Variants in ZFYVE28 observed in about 807,000 individuals in gnomAD.
The protein encoded by ZFYVE28 is lateral signaling target protein 2 homolog.
In ZFYVE28, 40 loss-of-function variants were observed where a neutral mutation model predicts 82.1. The ratio of observed to expected loss-of-function variants is 0.49; its 90% CI spans 0.38 to 0.63. ZFYVE28 has a LOEUF of 0.63. ZFYVE28 is among the 30% of genes least tolerant of loss of function. The probability of loss-of-function intolerance (pLI) is 0.00; values close to 1 mark genes in which losing one functional copy is unlikely to be tolerated. For synonymous variants in ZFYVE28, 612 were observed against 546.1 expected (o/e 1.12, Z -1.68); for missense variants, 1,321 against 1,242.1 (o/e 1.06, Z -0.96).
intron 8 of ZFYVE28, among the ~76,000 whole-genome samples, chr4:2,279,158 C>G (rs1053791499): frequency 1.1e-4 from 16 of 152,204 alleles, no homozygotes; most frequent in Non-Finnish European, 2.1e-4. Flanking sequence ...TGGATGAACA[C>G]TGAACACATC....
chr4:2,398,329 T>G (rs1208558396), intron 1 of ZFYVE28, among the ~76,000 whole-genome samples: 1 of 152,090 alleles, frequency 6.6e-6, no homozygotes, highest in African/African-American at 2.4e-5. Context: ...TGGGCTTGCA[T>G]GAGGGCACCC....
rs576767790 is a variant in ZFYVE28, at chr4:2,301,311, C to T, written c.2051+2978G>A. ...GCCTGTGCCTTGGATGGGACAGCTGCCATGTGCTGCCGCCCGCTGACCTGA... is the reference window on the plus strand; with the variant it reads ...GCCTGTGCCTTGGATGGGACAGCTGTCATGTGCTGCCGCCCGCTGACCTGA... On this transcript the variant is annotated intron_variant, in intron 8 of 12. Transcript: ENST00000290974. 2.0e-5 allele frequency among the ~76,000 whole-genome samples: 3 copies of T among 152,336 alleles called. No individual in the cohort carries two copies. The East Asian group carries it at 5.8e-4, about 29-fold the overall frequency.
intron 7 of ZFYVE28, among the ~76,000 whole-genome samples, chr4:2,312,604 T>G (rs566260103): frequency 6.6e-6 from 1 of 151,384 alleles, no homozygotes; most frequent in East Asian, 2.0e-4. Flanking sequence ...GGCGGGCGCC[T>G]GTAGTCCCAG....
chr4:2,312,730 A>G (rs1717658390), intron 7 of ZFYVE28, among the ~76,000 whole-genome samples: 1 of 146,372 alleles, frequency 6.8e-6, no homozygotes. Flanking sequence ...CTGCCTCAAA[A>G]AAAAAAAAAA....
chr4:2,313,490 TCAAA>T (rs1717780972), intron 7 of ZFYVE28, among the ~76,000 whole-genome samples: 1 of 152,108 alleles, frequency 6.6e-6, no homozygotes, highest in Non-Finnish European at 1.5e-5. Flanking sequence ...ACTCCTGGGC[TCAAA>T]CAATCCATCC....
chr4:2,384,673 G>C (rs1729066019), intron 1 of ZFYVE28, among the ~76,000 whole-genome samples: 1 of 152,192 alleles, frequency 6.6e-6, no homozygotes, highest in Admixed American at 6.5e-5. Context: ...AGCCTTACCT[G>C]CCAGGATCAT....
At chr4:2,390,599 C>A (rs774314357) in intron 1 of ZFYVE28, among the ~76,000 whole-genome samples, 5 of 152,202 alleles carry the variant, frequency 3.3e-5, no homozygotes, top group Non-Finnish European at 7.3e-5. Context: ...CCCCAGAATA[C>A]TCTACTTGTA....
intron 5 of ZFYVE28, among the ~76,000 whole-genome samples, chr4:2,336,860 TGAG>T (rs1721846137): frequency 1.2e-5 from 1 of 84,376 alleles, no homozygotes; most frequent in Admixed American, 1.6e-4. Context: ...AGTGAGAAGG[TGAG>T]GAGGGAGGAG....
chr4:2,276,619 T>C (rs538208561), intron 8 of ZFYVE28, among the ~76,000 whole-genome samples: 10 of 152,192 alleles, frequency 6.6e-5, no homozygotes, highest in Non-Finnish European at 1.0e-4. Context: ...CAGAATATTA[T>C]TCAGCCTTAA....
Position 2,304,154 on chromosome 4 carries a change from C to T in ZFYVE28, c.2051+135G>A, listed in dbSNP as rs1716098665. On this transcript the variant is annotated intron_variant, in intron 8 of 12. Transcript: ENST00000290974. ...CCCCTCCTCACACACAGACCCCACA[C>T]TCGGCCAGGGCCCAGCACCTGCCGG... The T allele has an allele frequency of 4.2e-6, 5 of 1,192,234 alleles. No individual in the cohort carries two copies. In the African/African-American group the frequency reaches 4.6e-5, roughly 11 times the overall value. 73.9% of individuals were successfully genotyped at this position (1,192,234 alleles called of 1,614,324 possible).
At position 2,396,077 on chromosome 4, in the gene ZFYVE28, G is replaced by T. The variant is rs1487911880; in HGVS notation, c.39+22208C>A. The stretch of plus-strand genomic sequence containing the variant: ...CTATCCTGCAGAGGGGACCCAAGGC[G>T]GGGGTGTCTGAGCTGATGGGACCAG... On this transcript the variant is annotated intron_variant, in intron 1 of 12. Coordinates refer to ENST00000290974, the MANE Select transcript of ZFYVE28 (RefSeq NM_020972.3). Among the ~76,000 whole-genome samples the T allele has an allele frequency of 7.6e-5, 9 of 118,396 alleles. No individual in the cohort carries two copies. The East Asian group carries it at 2.3e-3, about 31-fold the overall frequency. The allele number at this position is 118,396 out of a possible 152,430, so 77.7% of individuals were successfully genotyped here.
At chr4:2,414,458 TTTATAAGGAATG>T (rs1732830026) in intron 1 of ZFYVE28, among the ~76,000 whole-genome samples, 1 of 152,172 alleles carries the variant, frequency 6.6e-6, no homozygotes. Context: ...GTAAGGCAGA[TTTATAAGGAATG>T]TTCTCCTACA....
Position 2,355,254 on chromosome 4 carries a change from AT to A in ZFYVE28, c.40-1182del, listed in dbSNP as rs1725117645. On this transcript the variant is annotated intron_variant, in intron 1 of 12. Transcript: ENST00000290974. ...TATATATATATATATATATATATAT[AT>A]ATATATATATATATATAATGATTCT... 3.0e-3 allele frequency among the ~76,000 whole-genome samples: 52 copies of A among 17,504 alleles called. 8 individuals carry two copies. The highest frequency in any genetic ancestry group is 0.013 in the African/African-American group (36 of 2,834). The allele number at this position is 17,504 out of a possible 152,430, so 11.5% of individuals were successfully genotyped here.
In ZFYVE28 at chr4:2,394,843, G is replaced by A. The variant is rs1048819966; in HGVS notation, c.39+23442C>T. Among the ~76,000 whole-genome samples the A allele has an allele frequency of 1.3e-5, 2 of 152,272 alleles. No homozygotes were observed. Among genetic ancestry groups the A allele is most frequent in the Non-Finnish European group, 2.9e-5 (2 of 68,050 alleles). The stretch of plus-strand genomic sequence containing the variant: ...GCGGCAGATGCCAGCACCCAGCACA[G>A]TGGGTGGCACAGGGCAGGTGCCTCG... On this transcript the variant is annotated intron_variant, in intron 1 of 12. Transcript: ENST00000290974. The surrounding 1 kb of genome is among the most constrained non-coding windows in gnomAD (Gnocchi z 4.0).
At chr4:2,354,196 C>G in intron 1 of ZFYVE28, 123 bp from the exon 2 acceptor site, 5 of 1,129,808 alleles carry the variant, frequency 4.4e-6, no homozygotes, top group Non-Finnish European at 5.9e-6. Flanking sequence ...GAGCAGCAGC[C>G]GGCTCTTTTA....
In ZFYVE28 at chr4:2,270,595, T is replaced by G. The variant is rs1033448461; in HGVS notation, c.*130A>C. The G allele has an allele frequency of 7.4e-7, 1 of 1,357,252 alleles. No individual in the cohort carries two copies. Among genetic ancestry groups the G allele is most frequent in the African/African-American group, 1.4e-5 (1 of 70,164 alleles). The allele number at this position is 1,357,252 out of a possible 1,614,324, so 84.1% of individuals were successfully genotyped here. ...TGGGCAGGACAGAGGCTCTGGATGCTCTGGAGGTCTGGGTGCCCCTGCAGC... is the reference window on the plus strand; with the variant it reads ...TGGGCAGGACAGAGGCTCTGGATGCGCTGGAGGTCTGGGTGCCCCTGCAGC... On this transcript the variant is annotated 3_prime_UTR_variant, in exon 13 of 13. Coordinates refer to ENST00000290974, the MANE Select transcript of ZFYVE28 (RefSeq NM_020972.3).
chr4:2,313,318 T>C lies in ZFYVE28; in HGVS notation c.803+6852A>G, dbSNP rs568291567. Among the ~76,000 whole-genome samples the C allele has an allele frequency of 5.3e-5, 8 of 152,138 alleles. No homozygotes were observed. In the South Asian group the frequency reaches 1.5e-3, roughly 28 times the overall value. ...CTGTGTGGTGCAGGCTGGAGTGCAG[T>C]GGGATGACCTTAGCTCATTGCAACT... On this transcript the variant is annotated intron_variant, in intron 7 of 12. Transcript: ENST00000290974.
chr4:2,402,397 CATG>C (rs1553866396), intron 1 of ZFYVE28, among the ~76,000 whole-genome samples: 1 of 152,210 alleles, frequency 6.6e-6, no homozygotes, highest in Non-Finnish European at 1.5e-5. Context: ...GCTGGAAGGC[CATG>C]TCCTGCAGCC....
At chr4:2,277,360 G>C (rs1054900316) in intron 8 of ZFYVE28, among the ~76,000 whole-genome samples, 22 of 152,134 alleles carry the variant, frequency 1.4e-4, no homozygotes, top group African/African-American at 4.3e-4. Context: ...TGTGCCTGTA[G>C]TCCCAGCTAC....
Sources: allele counts gnomAD v4.1 joint callset (sites outside exome capture counted in the v4.1 genomes callset), GRCh38; gene constraint gnomAD v4.1.1; non-coding constraint Gnocchi (gnomAD v3.1); transcripts MANE v1.5; gene names NCBI Gene and HGNC (gene_info 2026-07-23, HGNC 2026-07-21).